Variants in PTPRT observed in about 807,000 individuals in gnomAD.
The protein encoded by PTPRT is receptor-type tyrosine-protein phosphatase T.
PTPRT carries 56 observed loss-of-function variants against 176.8 expected under a neutral mutation model. That is an observed-to-expected ratio of 0.32 (90% CI 0.26 to 0.40). The LOEUF is 0.40. Among genes scored for constraint, PTPRT ranks in the 10% least tolerant of loss-of-function variants. The pLI is 1.00. For synonymous variants in PTPRT, 783 were observed against 739.0 expected, an observed-to-expected ratio of 1.06 and a Z score of -0.96; for missense variants, 1,540 against 1,908.2, an observed-to-expected ratio of 0.81 and a Z score of 3.60.
At chr20:42,072,058 A>C (rs6130026), downstream of PTPRT, among the ~76,000 whole-genome samples, 1 of 152,048 alleles carries the variant, frequency 6.6e-6, no homozygotes, top group African/African-American at 2.4e-5. Context: ...GCTCTGTCCA[A>C]GGGGATGTTG....
intron 15 of PTPRT, among the ~76,000 whole-genome samples, chr20:42,202,825 T>C (rs1026640121): frequency 2.6e-5 from 4 of 152,108 alleles, no homozygotes; most frequent in African/African-American, 7.2e-5. Flanking sequence ...GGTAAAGTAA[T>C]ATGGAAAGGG....
At chr20:42,157,414 C>T (rs1369293671) in intron 17 of PTPRT, among the ~76,000 whole-genome samples, 1 of 150,688 alleles carries the variant, frequency 6.6e-6, no homozygotes, top group East Asian at 2.0e-4. Context: ...GGCACGATCT[C>T]AGCTCACTGC....
rs755921517 is a variant in PTPRT, at chr20:42,159,704, C to T, written c.2682+1648G>A. 7.9e-5 allele frequency among the ~76,000 whole-genome samples: 12 copies of T among 152,150 alleles called. No homozygotes were observed. The Middle Eastern group carries it at 0.01, about 129-fold the overall frequency. ...CCGTTTTTGAAATTAAGTGCTAGCT[C>T]TCCCAAGCTTGTAATTACTTACATC... On this transcript the variant is annotated intron_variant, in intron 17 of 30. Transcript: ENST00000373187.
chr20:42,957,704 C>G (rs1315212070), intron 1 of PTPRT, among the ~76,000 whole-genome samples: 1 of 152,136 alleles, frequency 6.6e-6, no homozygotes, highest in Non-Finnish European at 1.5e-5. Flanking sequence ...CTTCTAGTAC[C>G]TACTGTTGCA....
chr20:42,881,253 C>G (rs2079006027), intron 2 of PTPRT, among the ~76,000 whole-genome samples: 1 of 152,174 alleles, frequency 6.6e-6, no homozygotes, highest in African/African-American at 2.4e-5. Flanking sequence ...AGTTGAGACC[C>G]TAGGGTCACT....
chr20:42,086,709 A>G (rs1246854626), intron 27 of PTPRT, among the ~76,000 whole-genome samples: 1 of 120,394 alleles, frequency 8.3e-6, no homozygotes, highest in Non-Finnish European at 1.7e-5. Flanking sequence ...CCTGGGTGAC[A>G]CAGCGAGACT....
chr20:42,129,198 A>T (rs888154948), intron 18 of PTPRT, among the ~76,000 whole-genome samples: 2 of 152,208 alleles, frequency 1.3e-5, no homozygotes, highest in Non-Finnish European at 2.9e-5. Context: ...CATCTGGATT[A>T]ATATACTCCA....
intron 1 of PTPRT, among the ~76,000 whole-genome samples, chr20:43,118,780 C>T (rs577842974): frequency 2.0e-5 from 3 of 152,290 alleles, no homozygotes; most frequent in African/African-American, 7.2e-5. Flanking sequence ...GGTTTCTGAA[C>T]TTAGTGATCC....
At chr20:42,202,048 C>A (rs1274009332) in intron 15 of PTPRT, among the ~76,000 whole-genome samples, 1 of 151,902 alleles carries the variant, frequency 6.6e-6, no homozygotes, top group East Asian at 1.9e-4. Context: ...CAGCTCACTG[C>A]AGCCTCTGCC....
intron 1 of PTPRT, among the ~76,000 whole-genome samples, chr20:43,098,273 T>G (rs1000833079): frequency 8.5e-5 from 13 of 152,232 alleles, no homozygotes; most frequent in African/African-American, 3.1e-4. Context: ...ATTGGCTGAA[T>G]GCACAGACCT....
intron 7 of PTPRT, among the ~76,000 whole-genome samples, chr20:42,647,396 G>T (rs1056998599): frequency 6.6e-6 from 1 of 151,970 alleles, no homozygotes; most frequent in Non-Finnish European, 1.5e-5. Context: ...TAAATAAATG[G>T]TCCCCTCATA....
At chr20:42,961,842 A>G (rs1438840486) in intron 1 of PTPRT, among the ~76,000 whole-genome samples, 3 of 152,252 alleles carry the variant, frequency 2.0e-5, no homozygotes, top group African/African-American at 2.4e-5. Context: ...GTGAGGCCCA[A>G]TGTAATCACA....
intron 1 of PTPRT, among the ~76,000 whole-genome samples, chr20:42,891,089 G>T (rs755814067): frequency 6.6e-6 from 1 of 152,194 alleles, no homozygotes; most frequent in African/African-American, 2.4e-5. Context: ...AAATTACCCA[G>T]TCTTGGCTAT....
At chr20:42,088,404 A>C (rs1016161756) in intron 27 of PTPRT, among the ~76,000 whole-genome samples, 2 of 152,314 alleles carry the variant, frequency 1.3e-5, no homozygotes, top group African/African-American at 4.8e-5. Flanking sequence ...GCCGAAGAAC[A>C]GCCATCTCAC....
At chr20:42,547,496 G>C (rs1568967938) in intron 7 of PTPRT, among the ~76,000 whole-genome samples, 1 of 152,034 alleles carries the variant, frequency 6.6e-6, no homozygotes, top group Non-Finnish European at 1.5e-5. Context: ...AGAAAAGCAA[G>C]TCGAGTCTTA....
rs1332995205 is a variant in PTPRT, at chr20:42,910,107, C to T, written c.89-24175G>A. On this transcript the variant is annotated intron_variant, in intron 1 of 30. Transcript: ENST00000373187. ...CTTGTTTGGCTGCAGATATATTTCA[C>T]ATGAAGCCCCAGGCCACATCAGATG... Among the ~76,000 whole-genome samples the T allele has an allele frequency of 4.6e-5, 7 of 152,186 alleles. No homozygotes were observed. The East Asian group carries it at 1.3e-3, about 29-fold the overall frequency.
Position 42,649,087 on chromosome 20 carries a change from A to G in PTPRT, c.1153+28779T>C, listed in dbSNP as rs183748972. Among the ~76,000 whole-genome samples, 867 of 152,046 alleles carry G rather than the reference A, an allele frequency of 5.7e-3. 10 individuals are homozygous for G. The highest frequency in any genetic ancestry group is 0.02 in the Middle Eastern group (6 of 294). On this transcript the variant is annotated intron_variant, in intron 7 of 30. Coordinates refer to ENST00000373187, the MANE Select transcript of PTPRT (RefSeq NM_007050.6). ...GCCCACCTCGGCCTCCCAAAGTGCT[A>G]GGATTACAGGCCTGAGCCACTGTGC... is the stretch of plus-strand genomic sequence containing the variant.
intron 26 of PTPRT, among the ~76,000 whole-genome samples, chr20:42,100,592 C>G (rs1369369198): frequency 6.6e-6 from 1 of 152,060 alleles, no homozygotes; most frequent in Admixed American, 6.6e-5. Context: ...AGGCCAGGAG[C>G]TTATTTGATC....
chr20:42,679,791 CACTA>C (rs1188064732), intron 6 of PTPRT, among the ~76,000 whole-genome samples: 1 of 152,080 alleles, frequency 6.6e-6, no homozygotes, highest in Non-Finnish European at 1.5e-5. Context: ...CAGGTTATCA[CACTA>C]ACTATTCTCT....
Sources: allele counts gnomAD v4.1 joint callset (sites outside exome capture counted in the v4.1 genomes callset), GRCh38; gene constraint gnomAD v4.1.1; transcripts MANE v1.5; gene names NCBI Gene and HGNC (gene_info 2026-07-23, HGNC 2026-07-21).